DLEC1: variants seen among roughly 807,000 people sequenced by gnomAD.
DLEC1 encodes the protein DLEC1 cilia and flagella associated protein.
DLEC1 carries 146 observed loss-of-function variants against 198.1 expected under a neutral mutation model. The ratio of observed to expected loss-of-function variants is 0.74; its 90% CI spans 0.64 to 0.85. The LOEUF is 0.85. DLEC1 is among the 40% of genes least tolerant of loss of function. The pLI, the probability that DLEC1 is intolerant of heterozygous loss-of-function variation, is 0.00. For missense variants in DLEC1, 2,233 were observed against 2,220.0 expected (o/e 1.01, Z -0.12); for synonymous variants, 897 against 866.8 (o/e 1.03, Z -0.61).
At chr3:38,078,310 T>A (rs540981228) in intron 6 of DLEC1, among the ~76,000 whole-genome samples, 80 of 152,306 alleles carry the variant, frequency 5.3e-4, no homozygotes, top group African/African-American at 1.9e-3. Flanking sequence ...GAGTTGAGCA[T>A]AATTTGTGAT....
intron 6 of DLEC1, among the ~76,000 whole-genome samples, chr3:38,083,465 G>A (rs994017816): frequency 6.6e-6 from 1 of 152,220 alleles, no homozygotes; most frequent in Non-Finnish European, 1.5e-5. Context: ...TTAAGGCAAG[G>A]ATGGGCCATT....
chr3:38,121,188 G>A (rs1700438039), intron 34 of DLEC1, among the ~76,000 whole-genome samples: 1 of 152,242 alleles, frequency 6.6e-6, no homozygotes, highest in Non-Finnish European at 1.5e-5. Flanking sequence ...TGAGGCTGTG[G>A]GATGGTGCAT....
intron 33 of DLEC1, 90 bp from the exon 34 acceptor site, chr3:38,120,358 C>A: frequency 6.7e-7 from 1 of 1,489,622 alleles, no homozygotes; most frequent in Non-Finnish European, 9.3e-7. Context: ...CAAGGCTGGG[C>A]CTGGGAGGAA....
intron 15 of DLEC1, among the ~76,000 whole-genome samples, 153 bp from the exon 16 acceptor site, chr3:38,097,029 G>T (rs1251192983): frequency 1.3e-5 from 2 of 152,200 alleles, no homozygotes. Flanking sequence ...GGGTGCTTTT[G>T]GGTTGGGAGG....
chr3:38,095,360 A>G (rs1262538233), intron 13 of DLEC1: 2 of 431,318 alleles, frequency 4.6e-6, no homozygotes, highest in East Asian at 8.4e-5. Context: ...AAACATTACC[A>G]TCCCCACCCA....
Position 38,122,060 on chromosome 3 carries a change from CT to C in DLEC1, c.5021-8del. 6.2e-7 allele frequency: 1 copy of C among 1,613,470 alleles called. No homozygotes were observed. Among genetic ancestry groups the C allele is most frequent in the Non-Finnish European group, 8.5e-7 (1 of 1,179,564 alleles). On this transcript the variant is annotated splice_polypyrimidine_tract_variant and intron_variant, in intron 35 of 36. Coordinates refer to ENST00000308059, the MANE Select transcript of DLEC1 (RefSeq NM_007335.4). Reference sequence around the variant, plus strand: ...CCTGCACTCATGTGTCTTCCCTTCCCTTTGGTGCAGGCCAGCAGGAGCCAGC... The same window carrying C: ...CCTGCACTCATGTGTCTTCCCTTCCCTTGGTGCAGGCCAGCAGGAGCCAGC...
chr3:38,075,908 C>T (rs913769908), intron 6 of DLEC1, among the ~76,000 whole-genome samples: 15 of 152,124 alleles, frequency 9.9e-5, no homozygotes, highest in South Asian at 4.2e-4. Context: ...CCTAGAAAAG[C>T]GGGACTTGCC....
At chr3:38,052,635 C>G (rs1701178750) in intron 2 of DLEC1, among the ~76,000 whole-genome samples, 1 of 152,198 alleles carries the variant, frequency 6.6e-6, no homozygotes, top group Admixed American at 6.5e-5. Flanking sequence ...ACTGCGCCCT[C>G]AAAGATGATG....
intron 6 of DLEC1, among the ~76,000 whole-genome samples, chr3:38,074,130 C>T (rs1445942641): frequency 6.6e-6 from 1 of 152,200 alleles, no homozygotes; most frequent in Non-Finnish European, 1.5e-5. Context: ...GAAGCAGGAT[C>T]CTGATGGAGG....
chr3:38,119,446 C>G (rs1232330815), intron 33 of DLEC1, among the ~76,000 whole-genome samples: 5 of 152,112 alleles, frequency 3.3e-5, no homozygotes, highest in Non-Finnish European at 5.9e-5. Flanking sequence ...CTGCGGATGC[C>G]CCCTCCTAAA....
intron 13 of DLEC1, 23 bp from the exon 14 acceptor site, chr3:38,095,865 A>G (rs772440268): frequency 4.3e-6 from 7 of 1,613,572 alleles, no homozygotes; most frequent in Non-Finnish European, 5.9e-6. Flanking sequence ...TGGTGTTTTC[A>G]GGGCACTGTG....
chr3:38,083,270 AAG>A (rs1345551638), intron 6 of DLEC1, among the ~76,000 whole-genome samples: 1 of 151,158 alleles, frequency 6.6e-6, no homozygotes, highest in African/African-American at 2.4e-5. Context: ...TGAGTCTGAA[AAG>A]AGAGTCAGCG....
Position 38,122,783 on chromosome 3 carries a change from ACCAT to A in DLEC1, c.*372_*375del. The stretch of plus-strand genomic sequence containing the variant: ...TGGATTTGCCTTGCCTTAAGAATTA[ACCAT>A]GGCCTTGTGGCCTGGGTGACCCAGG... On this transcript the variant is annotated 3_prime_UTR_variant, in exon 37 of 37. Transcript: ENST00000308059. 2 of 1,140,992 alleles carry A rather than the reference ACCAT, an allele frequency of 1.8e-6. No individual in the cohort carries two copies. The highest frequency in any genetic ancestry group is 3.1e-4 in the Middle Eastern group (1 of 3,254). 70.7% of individuals were successfully genotyped at this position (1,140,992 alleles called of 1,614,324 possible).
rs773185930 is a variant in DLEC1 at position 38,097,265 on chromosome 3, A to G, written c.2424A>G (p.Thr808=). The G allele has an allele frequency of 6.3e-7, 1 of 1,579,900 alleles. No individual in the cohort carries two copies. Among genetic ancestry groups the G allele is most frequent in the Non-Finnish European group, 8.6e-7 (1 of 1,161,668 alleles). ...DCHIIEVEPG[T]GVIEPSEVGD... Reference sequence around the variant, plus strand: ...ACATCATTGAAGTGGAGCCCGGCACAGGGGTCATAGGTACCTTGGGGACTG... The same window carrying G: ...ACATCATTGAAGTGGAGCCCGGCACGGGGGTCATAGGTACCTTGGGGACTG... The change falls in exon 16 of 37, where the codon ACA becomes ACG. Residue 808 remains threonine (T), a synonymous_variant. Transcript: ENST00000308059.
intron 6 of DLEC1, among the ~76,000 whole-genome samples, 167 bp downstream of exon 6, chr3:38,064,086 A>G (rs72865557): frequency 0.12 from 17,831 of 149,040 alleles, 1,476 homozygotes; most frequent in African/African-American, 0.23. Flanking sequence ...GTCTAGGACA[A>G]TAGTGAAGGG....
intron 3 of DLEC1, 127 bp downstream of exon 3, chr3:38,059,979 T>A: frequency 1.3e-6 from 1 of 786,228 alleles, no homozygotes; most frequent in Non-Finnish European, 2.0e-6. Flanking sequence ...ATTTCGATGG[T>A]GACTGTTGGG....
At chr3:38,065,361 G>C (rs192963862) in intron 6 of DLEC1, among the ~76,000 whole-genome samples, 3 of 147,858 alleles carry the variant, frequency 2.0e-5, no homozygotes, top group Non-Finnish European at 4.4e-5. Flanking sequence ...GAGGGAGACT[G>C]TGCAGAGGGA....
intron 2 of DLEC1, among the ~76,000 whole-genome samples, chr3:38,057,517 A>C (rs147412899): frequency 2.6e-5 from 4 of 152,286 alleles, no homozygotes; most frequent in African/African-American, 9.6e-5. Context: ...TACATGGATC[A>C]CATAGGTGGA....
intron 2 of DLEC1, among the ~76,000 whole-genome samples, chr3:38,053,002 G>A (rs138280854): frequency 0.045 from 6,859 of 152,226 alleles, 472 homozygotes; most frequent in African/African-American, 0.15. Context: ...GTGTTGGCCG[G>A]GCTGGTCTCC....
Sources: allele counts gnomAD v4.1 joint callset (sites outside exome capture counted in the v4.1 genomes callset), GRCh38; gene constraint gnomAD v4.1.1; transcripts MANE v1.5; gene names NCBI Gene and HGNC (gene_info 2026-07-23, HGNC 2026-07-21).